GALNTL6: variants seen among roughly 807,000 people sequenced by gnomAD.
The protein encoded by GALNTL6 is polypeptide N-acetylgalactosaminyltransferase-like 6.
GALNTL6 carries 46 observed loss-of-function variants against 73.7 expected under a neutral mutation model. That is an observed-to-expected ratio of 0.62 (90% CI 0.49 to 0.80). GALNTL6 has a LOEUF of 0.80. Ranked by LOEUF, GALNTL6 falls within the 30% of genes least tolerant of loss-of-function variation. The probability of loss-of-function intolerance (pLI) is 0.00; values close to 1 mark genes in which losing one functional copy is unlikely to be tolerated. For synonymous variants in GALNTL6, 259 were observed against 263.7 expected, an observed-to-expected ratio of 0.98 and a Z score of 0.17; for missense variants, 604 against 755.0, an observed-to-expected ratio of 0.80 and a Z score of 2.34.
At chr4:172,095,458 G>A (rs1308942416) in intron 2 of GALNTL6, among the ~76,000 whole-genome samples, 1 of 152,200 alleles carries the variant, frequency 6.6e-6, no homozygotes, top group Non-Finnish European at 1.5e-5. Context: ...AAAAAGCACA[G>A]TTGGGGATAT....
At chr4:172,219,735 G>A (rs919162979) in intron 2 of GALNTL6, among the ~76,000 whole-genome samples, 10 of 151,884 alleles carry the variant, frequency 6.6e-5, no homozygotes, top group African/African-American at 2.2e-4. Context: ...TAGTTGTCAA[G>A]TCTTGACATT....
chr4:172,199,236 G>A (rs1735878103), intron 2 of GALNTL6, among the ~76,000 whole-genome samples: 2 of 151,912 alleles, frequency 1.3e-5, no homozygotes, highest in African/African-American at 4.8e-5. Flanking sequence ...TTATTAAATG[G>A]GTAAAATAAG....
chr4:171,960,358 C>T (rs541401415), intron 2 of GALNTL6, among the ~76,000 whole-genome samples: 24 of 152,124 alleles, frequency 1.6e-4, no homozygotes, highest in Admixed American at 4.6e-4. Flanking sequence ...CTCACTGCAA[C>T]CTCTGCCTCC....
intron 7 of GALNTL6, among the ~76,000 whole-genome samples, chr4:172,868,952 C>T (rs1325150421): frequency 6.6e-6 from 1 of 152,186 alleles, no homozygotes; most frequent in East Asian, 1.9e-4. Flanking sequence ...CATTACCTCT[C>T]AGCACACCAT....
intron 5 of GALNTL6, among the ~76,000 whole-genome samples, chr4:172,484,263 C>T (rs1470322089): frequency 6.6e-6 from 1 of 152,100 alleles, no homozygotes; most frequent in East Asian, 1.9e-4. Context: ...TGTCCATTCA[C>T]GACAACAAAA....
At chr4:171,829,134 G>T (rs1375196810) in intron 2 of GALNTL6, among the ~76,000 whole-genome samples, 1 of 152,076 alleles carries the variant, frequency 6.6e-6, no homozygotes, top group Admixed American at 6.6e-5. Flanking sequence ...AATATCCCTA[G>T]CCCCAGCACT....
rs1734467812 is a variant in GALNTL6 at position 171,814,508 on chromosome 4, G to A, written c.-73G>A. ...TGGTGCTTCGCAGGGGAGAGGAAAG[G>A]AATTTGACATTAAACACAAGAAGCA... On this transcript the variant is annotated 5_prime_UTR_variant, in exon 2 of 13. Transcript: ENST00000506823. 2.0e-6 allele frequency: 3 copies of A among 1,535,148 alleles called. 1 individual carries two copies. Among genetic ancestry groups the A allele is most frequent in the South Asian group, 2.3e-5 (2 of 88,306 alleles).
At chr4:172,094,372 TTATG>T (rs1183143222) in intron 2 of GALNTL6, among the ~76,000 whole-genome samples, 1 of 152,156 alleles carries the variant, frequency 6.6e-6, no homozygotes, top group African/African-American at 2.4e-5. Context: ...TTGTATTCCA[TTATG>T]TAATAATAAT....
intron 5 of GALNTL6, among the ~76,000 whole-genome samples, chr4:172,497,928 A>G (rs1734119706): frequency 6.6e-6 from 1 of 151,772 alleles, no homozygotes; most frequent in Admixed American, 6.6e-5. Flanking sequence ...CAGCCAAAAT[A>G]TATTCACTTC....
At chr4:171,928,782 T>A (rs1055263168) in intron 2 of GALNTL6, among the ~76,000 whole-genome samples, 2 of 152,182 alleles carry the variant, frequency 1.3e-5, no homozygotes, top group Admixed American at 1.3e-4. Context: ...TGCTACAGGC[T>A]TGTAGGCTAG....
chr4:172,122,393 T>C (rs957748275), intron 2 of GALNTL6, among the ~76,000 whole-genome samples: 2 of 152,176 alleles, frequency 1.3e-5, no homozygotes, highest in South Asian at 2.1e-4. Context: ...CAACTTATCA[T>C]TCTAGTTTGC....
intron 5 of GALNTL6, among the ~76,000 whole-genome samples, chr4:172,764,094 G>T (rs1420968888): frequency 6.6e-6 from 1 of 152,070 alleles, no homozygotes. Context: ...AAGTAGCTGG[G>T]ATTACAGGCA....
intron 3 of GALNTL6, among the ~76,000 whole-genome samples, chr4:172,269,527 G>T (rs1369864962): frequency 6.6e-6 from 1 of 152,092 alleles, no homozygotes; most frequent in East Asian, 1.9e-4. Flanking sequence ...AGATCATACT[G>T]GGAAAGAGAC....
chr4:172,560,971 C>G (rs751966829), intron 5 of GALNTL6, among the ~76,000 whole-genome samples: 2 of 152,030 alleles, frequency 1.3e-5, no homozygotes, highest in African/African-American at 2.4e-5. Context: ...AAATATTGCC[C>G]GGCCGGGCGC....
intron 5 of GALNTL6, among the ~76,000 whole-genome samples, chr4:172,607,299 T>C (rs1470484922): frequency 6.6e-6 from 1 of 152,084 alleles, no homozygotes; most frequent in African/African-American, 2.4e-5. Context: ...TCCTCCAACC[T>C]CCACCCTCAA....
At chr4:172,925,773 T>G (rs1323192959) in intron 8 of GALNTL6, among the ~76,000 whole-genome samples, 1 of 152,204 alleles carries the variant, frequency 6.6e-6, no homozygotes, top group Non-Finnish European at 1.5e-5. Flanking sequence ...TTCAGCCTTG[T>G]GAGACCCTTG....
chr4:173,026,165 G>A (rs1385664670), intron 12 of GALNTL6, among the ~76,000 whole-genome samples: 1 of 152,164 alleles, frequency 6.6e-6, no homozygotes, highest in Non-Finnish European at 1.5e-5. Context: ...TAATGCACAT[G>A]GTTTATTTGG....
At chr4:172,639,869 C>T (rs987056495) in intron 5 of GALNTL6, among the ~76,000 whole-genome samples, 7 of 152,090 alleles carry the variant, frequency 4.6e-5, no homozygotes, top group African/African-American at 1.4e-4. Context: ...TACTCAAGCA[C>T]ATTGCTCCAG....
intron 2 of GALNTL6, among the ~76,000 whole-genome samples, chr4:172,040,391 A>C (rs903369285): frequency 2.6e-5 from 4 of 151,660 alleles, no homozygotes; most frequent in African/African-American, 9.7e-5. Context: ...TTTTTATGCC[A>C]CTTTTATGCT....
Sources: gnomAD v4.1 joint callset for allele counts (sites outside exome capture counted in the v4.1 genomes callset) on GRCh38, gnomAD v4.1.1 for gene constraint, MANE v1.5 for transcripts, NCBI Gene and HGNC (gene_info 2026-07-23, HGNC 2026-07-21) for gene names.